CCNJL: variants seen among roughly 807,000 people sequenced by gnomAD.
CCNJL encodes the protein cyclin J like.
In CCNJL, 33 loss-of-function variants were observed where a neutral mutation model predicts 33.4. The ratio of observed to expected loss-of-function variants is 0.99; its 90% CI spans 0.75 to 1.32. The LOEUF (loss-of-function observed/expected upper bound fraction) is 1.32, where lower values mean the gene tolerates loss of function less well. Among genes scored for constraint, CCNJL ranks in the 40% most tolerant of loss-of-function variants. The pLI is 0.00. For synonymous variants in CCNJL, 227 were observed against 220.9 expected, an observed-to-expected ratio of 1.03 and a Z score of -0.24; for missense variants, 512 against 499.7, an observed-to-expected ratio of 1.02 and a Z score of -0.23.
rs374657821 is a variant in CCNJL at position 160,320,037 on chromosome 5, T to C, written n.207-4532A>G. Among the ~76,000 whole-genome samples the C allele has an allele frequency of 5.3e-5, 8 of 152,348 alleles. No individual in the cohort carries two copies. In the East Asian group the frequency reaches 9.6e-4, roughly 18 times the overall value. ...AGACTTCAGACTGGTCAGGAGTTAC[T>C]GTCCTCATTTTTCAAATGAGATCTA... On this transcript the variant is annotated intron_variant and non_coding_transcript_variant, in intron 1 of 7. Transcript: ENST00000377503.
intron 2 of CCNJL, among the ~76,000 whole-genome samples, chr5:160,298,256 A>C (rs1305384434): frequency 2.6e-5 from 4 of 152,140 alleles, no homozygotes; most frequent in Non-Finnish European, 4.4e-5. Context: ...GCTACTCAGA[A>C]GGCTGAGGCA....
At chr5:160,278,960 A>T (rs1401957557) in intron 3 of CCNJL, among the ~76,000 whole-genome samples, 2 of 152,094 alleles carry the variant, frequency 1.3e-5, no homozygotes, top group Non-Finnish European at 2.9e-5. Context: ...CGCATGTGTA[A>T]CAAGGGAATC....
At chr5:160,258,942 G>A (rs1206165932) in intron 4 of CCNJL, among the ~76,000 whole-genome samples, 3 of 152,114 alleles carry the variant, frequency 2.0e-5, no homozygotes, top group South Asian at 2.1e-4. Context: ...TGATCTGTCC[G>A]CCTTGGCCTC....
intron 1 of CCNJL, among the ~76,000 whole-genome samples, chr5:160,333,574 G>C (rs1346288658): frequency 2.0e-5 from 3 of 149,652 alleles, no homozygotes; most frequent in Non-Finnish European, 4.4e-5. Context: ...CTGGGTAACA[G>C]AGTGAGACCC....
rs1185906698 is a variant in CCNJL, at chr5:160,289,545, T to C, written c.67-8807A>G. Among the ~76,000 whole-genome samples the C allele has an allele frequency of 2.6e-5, 4 of 152,074 alleles. No individual in the cohort carries two copies. The East Asian group carries it at 5.8e-4, about 22-fold the overall frequency. ...AGCATTTCTGAGACCAGAGGAGCCA[T>C]TCTGGGGGAAGGAGAGGTGGCTGCC... On this transcript the variant is annotated intron_variant, in intron 2 of 5. Coordinates refer to ENST00000257536, the MANE Select transcript of CCNJL (RefSeq NM_001308173.3).
intron 2 of CCNJL, among the ~76,000 whole-genome samples, chr5:160,307,197 G>GC (rs1763121112): frequency 1.1e-4 from 16 of 152,164 alleles, no homozygotes; most frequent in Admixed American, 2.0e-4. Context: ...ATCAGGTGAG[G>GC]TGGGGGACAC....
chr5:160,264,014 C>T (rs147249282), intron 3 of CCNJL, among the ~76,000 whole-genome samples: 61 of 149,856 alleles, frequency 4.1e-4, no homozygotes, highest in African/African-American at 1.2e-3. Flanking sequence ...AGCTCAATCT[C>T]GGCTCACCAT....
intron 3 of CCNJL, among the ~76,000 whole-genome samples, chr5:160,261,625 A>T (rs1348042655): frequency 1.5e-5 from 2 of 135,282 alleles, no homozygotes; most frequent in Non-Finnish European, 3.2e-5. Context: ...CTCCCCCCAT[A>T]CTCCCCCCAA....
chr5:160,269,624 GA>G (rs1761751117), intron 3 of CCNJL: 1 of 382,868 alleles, frequency 2.6e-6, no homozygotes, highest in Non-Finnish European at 5.2e-6. Context: ...GATGCTTCCA[GA>G]TACAAGAGCT....
At chr5:160,292,221 G>A (rs768925509) in intron 2 of CCNJL, among the ~76,000 whole-genome samples, 2 of 152,164 alleles carry the variant, frequency 1.3e-5, no homozygotes, top group African/African-American at 2.4e-5. Flanking sequence ...ATACCTTCCC[G>A]CAAGTCTTCA....
chr5:160,303,148 T>C (rs192483910), intron 2 of CCNJL, among the ~76,000 whole-genome samples: 12 of 152,342 alleles, frequency 7.9e-5, no homozygotes, highest in East Asian at 1.9e-4. Context: ...AAGAATGATA[T>C]GGAAAAATGT....
intron 3 of CCNJL, 64 bp from the exon 4 acceptor site, chr5:160,259,835 G>T: frequency 7.1e-7 from 1 of 1,402,046 alleles, no homozygotes; most frequent in Non-Finnish European, 9.8e-7. Context: ...GGAAGCTAAC[G>T]GCCCACCTTA....
At position 160,253,247 on chromosome 5, in the gene CCNJL, G is replaced by T. The variant is rs191171075; in HGVS notation, c.*131C>A. On this transcript the variant is annotated 3_prime_UTR_variant, in exon 6 of 6. Coordinates refer to ENST00000257536, the MANE Select transcript of CCNJL (RefSeq NM_001308173.3). ...TCTGGGTCAGTTTTATTTAAAAGGA[G>T]CACAGACCCTCCACGTTCCAAGGCT... 1.2e-5 allele frequency: 10 copies of T among 808,884 alleles called. No individual in the cohort carries two copies. The highest frequency in any genetic ancestry group is 8.1e-5 in the East Asian group (3 of 36,820). 50.1% of individuals were successfully genotyped at this position (808,884 alleles called of 1,614,324 possible). A position where few individuals can be genotyped will look rare whatever the true frequency, so the allele number is the denominator to read the frequency against.
chr5:160,270,979 T>A (rs1561782608), intron 3 of CCNJL, among the ~76,000 whole-genome samples: 1 of 152,204 alleles, frequency 6.6e-6, no homozygotes, highest in African/African-American at 2.4e-5. Flanking sequence ...AACCTCACTA[T>A]GTCGGTGACA....
intron 3 of CCNJL, among the ~76,000 whole-genome samples, chr5:160,273,318 A>G (rs776340065): frequency 3.9e-5 from 6 of 152,238 alleles, no homozygotes; most frequent in African/African-American, 1.4e-4. Context: ...CAACAGCATT[A>G]TAACTTCTGC....
At chr5:160,321,000 C>T (rs1476259606) in intron 1 of CCNJL, among the ~76,000 whole-genome samples, 22 of 95,562 alleles carry the variant, frequency 2.3e-4, no homozygotes, top group Admixed American at 1.9e-4. Context: ...CTTTCTTTCT[C>T]TCTCTCTCTC....
chr5:160,326,687 TC>T, intron 1 of CCNJL: 1 of 885,138 alleles, frequency 1.1e-6, no homozygotes, highest in Non-Finnish European at 1.9e-6. Flanking sequence ...TTTGTGAAAT[TC>T]CACCATGGCA....
intron 3 of CCNJL, among the ~76,000 whole-genome samples, chr5:160,270,940 G>C (rs1266901224): frequency 1.3e-5 from 2 of 152,096 alleles, no homozygotes; most frequent in Admixed American, 1.3e-4. Context: ...AAGTCGGGAG[G>C]CATCAGACTT....
intron 1 of CCNJL, among the ~76,000 whole-genome samples, chr5:160,325,337 C>T (rs191551352): frequency 1.6e-4 from 24 of 152,276 alleles, no homozygotes; most frequent in Admixed American, 1.3e-3. Context: ...CAGACTCCAG[C>T]CCCCTCAGCA....
Sources: gnomAD v4.1 joint callset for allele counts (sites outside exome capture counted in the v4.1 genomes callset) on GRCh38, gnomAD v4.1.1 for gene constraint, MANE v1.5 for transcripts, NCBI Gene and HGNC (gene_info 2026-07-23, HGNC 2026-07-21) for gene names.